Variants in CHRM3 observed in about 807,000 individuals in gnomAD.
CHRM3 encodes cholinergic receptor muscarinic 3, also known as muscarinic acetylcholine receptor M3.
In CHRM3, 11 loss-of-function variants were observed where a neutral mutation model predicts 41.8. That is an observed-to-expected ratio of 0.26 (90% confidence interval 0.17 to 0.44). The LOEUF (loss-of-function observed/expected upper bound fraction) is 0.44, where lower values mean the gene tolerates loss of function less well. Among genes scored for constraint, CHRM3 ranks in the 20% least tolerant of loss-of-function variants. CHRM3 has a pLI of 1.00. For missense variants in CHRM3, 571 were observed against 745.4 expected, an observed-to-expected ratio of 0.77 and a Z score of 2.72; for synonymous variants, 297 against 301.4, an observed-to-expected ratio of 0.99 and a Z score of 0.15.
intron 5 of CHRM3, among the ~76,000 whole-genome samples, chr1:239,799,917 A>T (rs550671443): frequency 6.6e-6 from 1 of 152,348 alleles, no homozygotes; most frequent in East Asian, 1.9e-4. Context: ...CCACAGACTC[A>T]ACTGATTATG....
intron 6 of CHRM3, among the ~76,000 whole-genome samples, chr1:239,879,582 G>A (rs1431340372): frequency 1.3e-5 from 2 of 152,212 alleles, no homozygotes; most frequent in African/African-American, 4.8e-5. Flanking sequence ...CAGGCTCCCG[G>A]GTGAACTGGC....
chr1:239,871,472 C>A (rs555871338), intron 6 of CHRM3, among the ~76,000 whole-genome samples: 37 of 152,062 alleles, frequency 2.4e-4, no homozygotes, highest in Non-Finnish European at 4.1e-4. Flanking sequence ...GATCTCTTGA[C>A]GTTGTCATCT....
intron 3 of CHRM3, among the ~76,000 whole-genome samples, chr1:239,611,629 C>G (rs1413732948): frequency 3.3e-5 from 5 of 152,072 alleles, no homozygotes; most frequent in South Asian, 2.1e-4. Context: ...CCATGTTGGC[C>G]AGGATGGTCT....
intron 6 of CHRM3, chr1:239,886,379 G>A (rs1415108263): frequency 1.3e-5 from 2 of 152,118 alleles, no homozygotes; most frequent in Non-Finnish European, 2.9e-5. Context: ...GACGGATATG[G>A]ATTCTAATTT....
At chr1:239,579,241 T>A (rs1662647794) in intron 3 of CHRM3, among the ~76,000 whole-genome samples, 1 of 152,146 alleles carries the variant, frequency 6.6e-6, no homozygotes, top group Admixed American at 6.6e-5. Flanking sequence ...AAGGAAATAA[T>A]AAAGTTAGTT....
Position 239,455,357 on chromosome 1 carries a change from T to A in CHRM3, c.-520-37352T>A, listed in dbSNP as rs1361852582. The stretch of plus-strand genomic sequence containing the variant: ...TGAGCCACAGTGCCCAGCCTTCTAC[T>A]TTTTTTTTTTTAAGTTAATTGTAAA... On this transcript the variant is annotated intron_variant, in intron 1 of 6. Transcript: ENST00000676153. Among the ~76,000 whole-genome samples, 6 of 137,272 alleles carry A rather than the reference T, an allele frequency of 4.4e-5. 1 individual carries two copies. In the South Asian group the frequency reaches 1.3e-3, roughly 30 times the overall value. The allele number at this position is 137,272 out of a possible 152,430, so 90.1% of individuals were successfully genotyped here. A position where few individuals can be genotyped will look rare whatever the true frequency, so the allele number is the denominator to read the frequency against.
intron 5 of CHRM3, among the ~76,000 whole-genome samples, chr1:239,752,886 G>A (rs962615155): frequency 6.6e-6 from 1 of 152,062 alleles, no homozygotes; most frequent in East Asian, 1.9e-4. Context: ...TTAGGGTCAG[G>A]GTTTAAAGGG....
chr1:239,799,426 C>G (rs768327655), intron 5 of CHRM3, among the ~76,000 whole-genome samples: 6 of 152,112 alleles, frequency 3.9e-5, no homozygotes, highest in African/African-American at 7.2e-5. Flanking sequence ...GGGGCAGGAT[C>G]GAACACGCTG....
At chr1:239,552,619 C>A (rs1488371954) in intron 3 of CHRM3, among the ~76,000 whole-genome samples, 4 of 124,462 alleles carry the variant, frequency 3.2e-5, no homozygotes, top group Non-Finnish European at 6.7e-5. Context: ...ATGCTCCACA[C>A]CTGACTAATA....
intron 3 of CHRM3, among the ~76,000 whole-genome samples, chr1:239,615,712 C>A (rs897765224): frequency 6.6e-6 from 1 of 151,596 alleles, no homozygotes; most frequent in Non-Finnish European, 1.5e-5. Flanking sequence ...ATTGATGTCA[C>A]CCCAATATCT....
intron 5 of CHRM3, chr1:239,826,890 T>C (rs1572415556): frequency 6.6e-6 from 1 of 152,208 alleles, no homozygotes; most frequent in East Asian, 1.9e-4. Context: ...TGGCCTGTGG[T>C]GGAACTCACA....
intron 1 of CHRM3, among the ~76,000 whole-genome samples, chr1:239,393,029 A>C (rs1245238587): frequency 2.0e-5 from 3 of 152,144 alleles, no homozygotes; most frequent in Admixed American, 1.3e-4. Flanking sequence ...GCATAGTGGC[A>C]TACACCTGTA....
At chr1:239,709,614 A>G (rs760664178) in intron 5 of CHRM3, among the ~76,000 whole-genome samples, 6 of 152,198 alleles carry the variant, frequency 3.9e-5, no homozygotes, top group Non-Finnish European at 7.3e-5. Context: ...TTGTATAGAC[A>G]TTAAGCTGCT....
chr1:239,802,578 A>G (rs1670304314), intron 5 of CHRM3, among the ~76,000 whole-genome samples: 1 of 152,104 alleles, frequency 6.6e-6, no homozygotes, highest in Non-Finnish European at 1.5e-5. Context: ...TTACATGTAA[A>G]TAGCAGGTGT....
intron 4 of CHRM3, among the ~76,000 whole-genome samples, chr1:239,653,683 T>C (rs2148978968): frequency 6.6e-6 from 1 of 152,240 alleles, no homozygotes; most frequent in Middle Eastern, 3.4e-3. Flanking sequence ...CACATCCACT[T>C]AAAGAGCAAG....
At chr1:239,732,189 T>C (rs1359429418) in intron 5 of CHRM3, among the ~76,000 whole-genome samples, 1 of 151,898 alleles carries the variant, frequency 6.6e-6, no homozygotes, top group African/African-American at 2.4e-5. Flanking sequence ...GTATACCTAA[T>C]ATCTCATTTA....
At chr1:239,886,441 A>G (rs1678080820) in intron 6 of CHRM3, 1 of 152,196 alleles carries the variant, frequency 6.6e-6, no homozygotes, top group Admixed American at 6.5e-5. Flanking sequence ...ACATTTTCTC[A>G]GGGCCAGCTC....
At chr1:239,516,093 CT>C (rs899655051) in intron 2 of CHRM3, among the ~76,000 whole-genome samples, 22 of 151,520 alleles carry the variant, frequency 1.5e-4, no homozygotes, top group Non-Finnish European at 2.4e-4. Flanking sequence ...GAAAGCTGAG[CT>C]TTTTTTTTGT....
chr1:239,796,108 A>G (rs1669745049), intron 5 of CHRM3, among the ~76,000 whole-genome samples: 1 of 152,158 alleles, frequency 6.6e-6, no homozygotes, highest in South Asian at 2.1e-4. Flanking sequence ...CATTACTATG[A>G]CTTCTGTGAA....
Sources: allele counts gnomAD v4.1 joint callset (sites outside exome capture counted in the v4.1 genomes callset), GRCh38; gene constraint gnomAD v4.1.1; transcripts MANE v1.5; gene names NCBI Gene and HGNC (gene_info 2026-07-23, HGNC 2026-07-21).